The following PPP1R12B variants were observed in gnomAD, a reference collection of about 807,000 sequenced individuals.
PPP1R12B encodes the protein myosin phosphatase target subunit 2.
Under a neutral mutation model 126.1 loss-of-function variants are expected in PPP1R12B, and 76 were observed. The ratio of observed to expected loss-of-function variants is 0.60; its 90% CI spans 0.50 to 0.73. PPP1R12B has a LOEUF of 0.73. Among genes scored for constraint, PPP1R12B ranks in the 30% least tolerant of loss-of-function variants. PPP1R12B has a pLI of 0.00. For missense variants in PPP1R12B, 1,052 were observed against 1,205.1 expected (o/e 0.87, Z 1.88); for synonymous variants, 356 against 434.7 (o/e 0.82, Z 2.25).
intron 13 of PPP1R12B, among the ~76,000 whole-genome samples, chr1:202,472,985 A>G (rs111927162): frequency 1.0e-3 from 156 of 152,348 alleles, no homozygotes; most frequent in African/African-American, 3.7e-3. Context: ...TTGGCCCTTT[A>G]CAGACAAAAT....
At chr1:202,527,227 G>A (rs1235401643) in intron 18 of PPP1R12B, 1 of 152,066 alleles carries the variant, frequency 6.6e-6, no homozygotes, top group Non-Finnish European at 1.5e-5. Context: ...ACTTCTCAAA[G>A]GCATCTTACA....
intron 23 of PPP1R12B, 81 bp downstream of exon 23, chr1:202,569,278 C>T: frequency 1.4e-6 from 2 of 1,390,940 alleles, no homozygotes. Context: ...TAGGCCTGCC[C>T]CCTCCAGATT....
chr1:202,567,817 G>A lies in PPP1R12B; in HGVS notation c.2797G>A (p.Glu933Lys), dbSNP rs1462736919. The change falls in exon 22 of 24, where the codon GAG (glutamate) becomes AAG (lysine). Residue 933 changes from glutamate (E) to lysine (K), a missense_variant. Transcript: ENST00000608999. ...GACCTCTGACCGATCATCAGTGCTGGAGATGGAGAAACGGGTATGCGCATG... is the reference window on the plus strand; with the variant it reads ...GACCTCTGACCGATCATCAGTGCTGAAGATGGAGAAACGGGTATGCGCATG... ...EKTSDRSSVLEMEKRERRALE... is the reference protein window; with the variant it reads ...EKTSDRSSVLKMEKRERRALE... 3 of 1,614,012 alleles carry A rather than the reference G, an allele frequency of 1.9e-6. No homozygotes were observed. Among genetic ancestry groups the A allele is most frequent in the Middle Eastern group, 1.6e-4 (1 of 6,062 alleles).
chr1:202,525,923 T>C (rs1683291664), intron 18 of PPP1R12B, among the ~76,000 whole-genome samples: 1 of 152,214 alleles, frequency 6.6e-6, no homozygotes, highest in African/African-American at 2.4e-5. Flanking sequence ...GGTCTCAAAC[T>C]CCTGGCCTCA....
At chr1:202,395,187 A>C (rs1018840277) in intron 1 of PPP1R12B, among the ~76,000 whole-genome samples, 1 of 151,508 alleles carries the variant, frequency 6.6e-6, no homozygotes, top group African/African-American at 2.4e-5. Flanking sequence ...TATTGGATGG[A>C]GCTTTGGTTT....
chr1:202,575,047 G>A (rs150146911), intron 23 of PPP1R12B: 22 of 1,613,346 alleles, frequency 1.4e-5, no homozygotes, highest in South Asian at 6.6e-5. Flanking sequence ...GCAGATGAAC[G>A]AGCAACTGCA....
At position 202,565,225 on chromosome 1, in the gene PPP1R12B, AACTC is replaced by A. The variant is rs1395121490; in HGVS notation, c.2757+679_2757+682del. 6.6e-6 allele frequency among the ~76,000 whole-genome samples: 1 copy of A among 152,236 alleles called. No individual in the cohort carries two copies. The highest frequency in any genetic ancestry group is 2.4e-5 in the African/African-American group (1 of 41,458). On this transcript the variant is annotated intron_variant, in intron 21 of 23. Coordinates refer to ENST00000608999, the MANE Select transcript of PPP1R12B (RefSeq NM_002481.4). This position sits in a 1 kb window ranked among gnomAD's most constrained non-coding sequence, Gnocchi z 4.3. ...TAATAACCTTGTCACCAGTGAAACAAACTCCGCAGCTGAAAGCTAAAGCAAGCAC... is the reference window on the plus strand; with the variant it reads ...TAATAACCTTGTCACCAGTGAAACAACGCAGCTGAAAGCTAAAGCAAGCAC...
Position 202,428,853 on chromosome 1 carries a change from A to G in PPP1R12B, c.847-2A>G. ...AGTCATGGTGCTCCTTTTCTCTGCCAGGGCCAGACACCATTTGATGTGGCT... is the reference window on the plus strand; with the variant it reads ...AGTCATGGTGCTCCTTTTCTCTGCCGGGGCCAGACACCATTTGATGTGGCT... On this transcript the variant is annotated splice_acceptor_variant, in intron 5 of 23. Transcript: ENST00000608999. LOFTEE classifies it high-confidence loss of function. 1 of 1,605,048 alleles carries G rather than the reference A, an allele frequency of 6.2e-7. No individual in the cohort carries two copies. The highest frequency in any genetic ancestry group is 8.5e-7 in the Non-Finnish European group (1 of 1,176,334).
At chr1:202,445,193 C>G in intron 12 of PPP1R12B, 1 of 1,246,786 alleles carries the variant, frequency 8.0e-7, no homozygotes. Context: ...CTGCACCAAT[C>G]AGTGCAAACA....
In PPP1R12B at chr1:202,372,629, T is replaced by C. The variant is rs560610965; in HGVS notation, c.291+23487T>C. Among the ~76,000 whole-genome samples, 23 of 152,080 alleles carry C rather than the reference T, an allele frequency of 1.5e-4. No individual in the cohort carries two copies. In the East Asian group the frequency reaches 4.3e-3, roughly 28 times the overall value. On this transcript the variant is annotated intron_variant, in intron 1 of 23. Coordinates refer to ENST00000608999, the MANE Select transcript of PPP1R12B (RefSeq NM_002481.4). The stretch of plus-strand genomic sequence containing the variant: ...ACAAAAAAACAAACAAAAAAATAGC[T>C]GGGCATGGTGGCATATGCCTGTGGT...
At chr1:202,476,879 TTTG>T (rs1676743167) in intron 13 of PPP1R12B, among the ~76,000 whole-genome samples, 1 of 151,906 alleles carries the variant, frequency 6.6e-6, no homozygotes, top group Non-Finnish European at 1.5e-5. Flanking sequence ...CAAAATTTAT[TTTG>T]TTATCATTCT....
At chr1:202,442,343 C>A in intron 11 of PPP1R12B, 104 bp from the exon 12 acceptor site, 1 of 1,278,358 alleles carries the variant, frequency 7.8e-7, no homozygotes, top group Non-Finnish European at 1.1e-6. Flanking sequence ...TGTCTATTAG[C>A]CATGTTATAG....
chr1:202,378,247 C>CTT (rs386369339), intron 1 of PPP1R12B, among the ~76,000 whole-genome samples: 32,291 of 92,772 alleles, frequency 0.35, 5,749 homozygotes, highest in East Asian at 0.55. Context: ...TGTCTTCATT[C>CTT]TTTTTTTTTT....
At chr1:202,446,770 G>A (rs1243602909) in intron 12 of PPP1R12B, among the ~76,000 whole-genome samples, 3 of 151,452 alleles carry the variant, frequency 2.0e-5, no homozygotes, top group African/African-American at 7.3e-5. Context: ...GCTTAAATAA[G>A]GTAAAGGTTT....
chr1:202,442,654 C>G, intron 12 of PPP1R12B, 82 bp downstream of exon 12: 6 of 1,344,194 alleles, frequency 4.5e-6, no homozygotes, highest in Non-Finnish European at 6.0e-6. Context: ...CTTTTTATGT[C>G]CAATTAACAC....
intron 13 of PPP1R12B, among the ~76,000 whole-genome samples, chr1:202,450,700 T>C (rs745585680): frequency 2.6e-5 from 4 of 152,236 alleles, no homozygotes; most frequent in Non-Finnish European, 4.4e-5. Context: ...CTGAGTTCTC[T>C]ACTCTGTTCC....
intron 1 of PPP1R12B, among the ~76,000 whole-genome samples, chr1:202,364,827 C>T (rs1472900030): frequency 6.6e-6 from 1 of 152,052 alleles, no homozygotes; most frequent in Non-Finnish European, 1.5e-5. Context: ...GGGCCCGCCT[C>T]GGCCTCCCAA....
At chr1:202,484,121 A>AT (rs1367996951) in intron 13 of PPP1R12B, among the ~76,000 whole-genome samples, 1 of 152,122 alleles carries the variant, frequency 6.6e-6, no homozygotes, top group Non-Finnish European at 1.5e-5. Flanking sequence ...GCTATTATTG[A>AT]TAAAGAAGGT....
At chr1:202,509,530 G>T (rs1681194304) in intron 18 of PPP1R12B, among the ~76,000 whole-genome samples, 1 of 152,086 alleles carries the variant, frequency 6.6e-6, no homozygotes, top group African/African-American at 2.4e-5. Context: ...GATTATAGTT[G>T]GGAATATATA....
Sources: allele counts gnomAD v4.1 joint callset (sites outside exome capture counted in the v4.1 genomes callset), GRCh38; gene constraint gnomAD v4.1.1; non-coding constraint Gnocchi (gnomAD v3.1); transcripts MANE v1.5; gene names NCBI Gene and HGNC (gene_info 2026-07-23, HGNC 2026-07-21).